Variants in AGPAT5 observed in about 807,000 individuals in gnomAD.
AGPAT5 encodes 1-acyl-sn-glycerol-3-phosphate acyltransferase epsilon.
A neutral mutation model predicts 45.6 loss-of-function variants in AGPAT5; 46 were observed. That is an observed-to-expected ratio of 1.01 (90% CI 0.80 to 1.29). The LOEUF is 1.29. Among genes scored for constraint, AGPAT5 ranks in the 50% most tolerant of loss-of-function variants. AGPAT5 has a pLI of 0.00. For missense variants in AGPAT5, 673 were observed against 450.7 expected, an observed-to-expected ratio of 1.49 and a Z score of -4.47; for synonymous variants, 272 against 167.0, an observed-to-expected ratio of 1.63 and a Z score of -4.85.
intron 1 of AGPAT5, among the ~76,000 whole-genome samples, chr8:6,715,737 C>T (rs1466961683): frequency 6.6e-6 from 1 of 152,148 alleles, no homozygotes; most frequent in Non-Finnish European, 1.5e-5. Flanking sequence ...TATAGGATAA[C>T]ACTGAAATTA....
In AGPAT5 at chr8:6,718,401, T is replaced by A. The variant is rs1238653245; in HGVS notation, c.220-6469T>A. On this transcript the variant is annotated intron_variant, in intron 1 of 7. Coordinates refer to ENST00000285518, the MANE Select transcript of AGPAT5 (RefSeq NM_018361.5). ...AGGTCTTGTGTGTACAGTCGTGACC[T>A]CACATTTCCAATTTCCTGCTGGCAG... 1.3e-5 allele frequency among the ~76,000 whole-genome samples: 2 copies of A among 152,204 alleles called. 1 individual carries two copies. Among genetic ancestry groups the A allele is most frequent in the Non-Finnish European group, 2.9e-5 (2 of 68,032 alleles).
chr8:6,760,929 A>T lies in AGPAT5; in HGVS notation c.*3541A>T, dbSNP rs1802019752. Among the ~76,000 whole-genome samples, 2 of 152,204 alleles carry T rather than the reference A, an allele frequency of 1.3e-5. No individual in the cohort carries two copies. The highest frequency in any genetic ancestry group is 4.8e-5 in the African/African-American group (2 of 41,454). On this transcript the variant is annotated 3_prime_UTR_variant, in exon 8 of 8. Coordinates refer to ENST00000285518, the MANE Select transcript of AGPAT5 (RefSeq NM_018361.5). ...CAACTATTATGAAGTGCTCGTCTGT[A>T]CAATCGCTAATTTACTCAGTTTAGA...
Position 6,757,432 on chromosome 8 carries a change from T to C in AGPAT5, c.*44T>C. The C allele has an allele frequency of 1.3e-6, 2 of 1,515,186 alleles. No homozygotes were observed. Among genetic ancestry groups the C allele is most frequent in the African/African-American group, 1.4e-5 (1 of 72,870 alleles). The allele number at this position is 1,515,186 out of a possible 1,614,324, so 93.9% of individuals were successfully genotyped here. A position where few individuals can be genotyped will look rare whatever the true frequency, so the allele number is the denominator to read the frequency against. ...ACAGTGGGATGTGCTACATTGTCTA[T>C]TTTTGGCGGCTGCACATGACATCAA... On this transcript the variant is annotated 3_prime_UTR_variant, in exon 8 of 8. Transcript: ENST00000285518.
Position 6,761,264 on chromosome 8 carries a change from G to A in AGPAT5, c.*3876G>A, listed in dbSNP as rs1205685242. 6.6e-6 allele frequency among the ~76,000 whole-genome samples: 1 copy of A among 152,076 alleles called. No individual in the cohort carries two copies. The highest frequency in any genetic ancestry group is 1.5e-5 in the Non-Finnish European group (1 of 68,020). ...TGAAACAGATCAGTTTTTCCATCCGGATTATTATTGGTTCATGATTTTATA... is the reference window on the plus strand; with the variant it reads ...TGAAACAGATCAGTTTTTCCATCCGAATTATTATTGGTTCATGATTTTATA... On this transcript the variant is annotated 3_prime_UTR_variant, in exon 8 of 8. Coordinates refer to ENST00000285518, the MANE Select transcript of AGPAT5 (RefSeq NM_018361.5).
intron 6 of AGPAT5, among the ~76,000 whole-genome samples, chr8:6,749,324 GA>G (rs999409979): frequency 3.3e-5 from 5 of 149,614 alleles, no homozygotes; most frequent in South Asian, 2.1e-4. Flanking sequence ...ATGGTCGAAG[GA>G]AAAAAAAATG....
At chr8:6,735,588 T>G (rs1801023636) in intron 4 of AGPAT5, among the ~76,000 whole-genome samples, 1 of 152,238 alleles carries the variant, frequency 6.6e-6, no homozygotes, top group Non-Finnish European at 1.5e-5. Context: ...CCTTTGAGTT[T>G]TCCATGTTTC....
intron 5 of AGPAT5, among the ~76,000 whole-genome samples, chr8:6,744,753 C>T (rs768689507): frequency 2.0e-5 from 3 of 152,230 alleles, no homozygotes; most frequent in African/African-American, 4.8e-5. Flanking sequence ...TCTCTCTTTC[C>T]TTGGCCCTTC....
intron 1 of AGPAT5, among the ~76,000 whole-genome samples, chr8:6,710,286 A>T (rs1800110314): frequency 6.6e-6 from 1 of 152,184 alleles, no homozygotes; most frequent in African/African-American, 2.4e-5. Flanking sequence ...TGCATACCTT[A>T]CCTGATGTTC....
At chr8:6,718,473 A>G (rs1347634771) in intron 1 of AGPAT5, among the ~76,000 whole-genome samples, 1 of 151,024 alleles carries the variant, frequency 6.6e-6, no homozygotes, top group Non-Finnish European at 1.5e-5. Flanking sequence ...CGTGAGACAG[A>G]CAGCATACAG....
intron 3 of AGPAT5, 54 bp downstream of exon 3, chr8:6,730,880 T>G (rs958442950): frequency 7.7e-7 from 1 of 1,304,910 alleles, no homozygotes; most frequent in African/African-American, 1.5e-5. Context: ...AATTTTTTTT[T>G]TTTTTTTTGG....
rs1019580555 is a variant in AGPAT5 at position 6,757,464 on chromosome 8, T to G, written c.*76T>G. 31 of 1,157,176 alleles carry G rather than the reference T, an allele frequency of 2.7e-5. No homozygotes were observed. Among genetic ancestry groups the G allele is most frequent in the Non-Finnish European group, 4.0e-5 (31 of 784,708 alleles). 71.7% of individuals were successfully genotyped at this position (1,157,176 alleles called of 1,614,324 possible). A position where few individuals can be genotyped will look rare whatever the true frequency, so the allele number is the denominator to read the frequency against. On this transcript the variant is annotated 3_prime_UTR_variant, in exon 8 of 8. Coordinates refer to ENST00000285518, the MANE Select transcript of AGPAT5 (RefSeq NM_018361.5). ...CGGCTGCACATGACATCAAATTGTT[T>G]CCTGAATTTATTAAGGAGTGTAAAT...
intron 6 of AGPAT5, among the ~76,000 whole-genome samples, chr8:6,752,463 CT>C (rs936953393): frequency 2.6e-5 from 4 of 151,912 alleles, no homozygotes; most frequent in African/African-American, 9.7e-5. Context: ...ACTTCCGTAA[CT>C]TTTTTTTAAA....
At chr8:6,716,376 T>A (rs896773948) in intron 1 of AGPAT5, among the ~76,000 whole-genome samples, 3 of 152,008 alleles carry the variant, frequency 2.0e-5, no homozygotes, top group Admixed American at 6.6e-5. Context: ...CTGGCCAACA[T>A]TGTGAAACCC....
chr8:6,718,510 AC>A (rs1800404750), intron 1 of AGPAT5, among the ~76,000 whole-genome samples: 1 of 85,582 alleles, frequency 1.2e-5, no homozygotes, highest in Non-Finnish European at 2.2e-5. Context: ...TCTGGAAAAC[AC>A]TGTGTAAGCT....
chr8:6,724,930 C>A lies in AGPAT5; in HGVS notation c.280C>A (p.Gln94Lys), dbSNP rs2116880747. 8.6e-7 allele frequency: 1 copy of A among 1,161,434 alleles called. No homozygotes were observed. Among genetic ancestry groups the A allele is most frequent in the Non-Finnish European group, 1.1e-6 (1 of 880,610 alleles). The allele number at this position is 1,161,434 out of a possible 1,614,324, so 71.9% of individuals were successfully genotyped here. A position where few individuals can be genotyped will look rare whatever the true frequency, so the allele number is the denominator to read the frequency against. ...AAATATAATATATTTAGCAAATCAT[C>A]AAAGCACAGGTTTGTATTTCATTTG... ...KENIIYLANH[Q>K]STVDWIVADI... Residue 94 changes from glutamine (Q) to lysine (K), a missense_variant, in exon 2 of 8, where the codon CAA becomes AAA. Coordinates refer to ENST00000285518, the MANE Select transcript of AGPAT5 (RefSeq NM_018361.5).
At chr8:6,745,321 C>G (rs886663417) in intron 5 of AGPAT5, 1 of 154,352 alleles carries the variant, frequency 6.5e-6, no homozygotes, top group Admixed American at 6.5e-5. Context: ...GGGTTTCTCC[C>G]AGCTTGCAAA....
At chr8:6,710,196 A>G (rs552391567) in intron 1 of AGPAT5, among the ~76,000 whole-genome samples, 24 of 152,348 alleles carry the variant, frequency 1.6e-4, no homozygotes, top group African/African-American at 5.5e-4. Flanking sequence ...ATGATGCAGA[A>G]TACACCATTG....
At chr8:6,727,380 C>T in intron 2 of AGPAT5, among the ~76,000 whole-genome samples, 1 of 149,956 alleles carries the variant, frequency 6.7e-6, no homozygotes, top group South Asian at 2.1e-4. Context: ...CTTTTGACAA[C>T]ACTTTGCCTT....
intron 1 of AGPAT5, among the ~76,000 whole-genome samples, chr8:6,710,572 GT>G (rs1800124938): frequency 6.6e-6 from 1 of 152,158 alleles, no homozygotes; most frequent in Admixed American, 6.5e-5. Context: ...AAAACCAAGA[GT>G]TTCTTGTTCC....
Sources: allele counts gnomAD v4.1 joint callset (sites outside exome capture counted in the v4.1 genomes callset), GRCh38; gene constraint gnomAD v4.1.1; transcripts MANE v1.5; gene names NCBI Gene and HGNC (gene_info 2026-07-23, HGNC 2026-07-21).